ZMYM2: variants seen among roughly 807,000 people sequenced by gnomAD.
ZMYM2 encodes the protein zinc finger MYM-type containing 2.
A neutral mutation model predicts 162.8 loss-of-function variants in ZMYM2; 56 were observed. That is an observed-to-expected ratio of 0.34 (90% CI 0.28 to 0.43). The LOEUF (loss-of-function observed/expected upper bound fraction) is 0.43. Among genes scored for constraint, ZMYM2 ranks in the 20% least tolerant of loss-of-function variants. The pLI, the probability that ZMYM2 is intolerant of heterozygous loss-of-function variation, is 1.00. For synonymous variants in ZMYM2, 510 were observed against 541.6 expected, an observed-to-expected ratio of 0.94 and a Z score of 0.81; for missense variants, 1,275 against 1,621.8, an observed-to-expected ratio of 0.79 and a Z score of 3.67.
intron 14 of ZMYM2, among the ~76,000 whole-genome samples, chr13:20,058,086 T>C (rs1955945350): frequency 6.6e-6 from 1 of 152,200 alleles, no homozygotes; most frequent in African/African-American, 2.4e-5. Flanking sequence ...AATACACAAC[T>C]TAAAGTTTGA....
chr13:19,972,238 C>G (rs1956395823), intron 2 of ZMYM2, among the ~76,000 whole-genome samples: 1 of 152,104 alleles, frequency 6.6e-6, no homozygotes, highest in African/African-American at 2.4e-5. Flanking sequence ...AGCCAGACTA[C>G]CTTTGTTTTA....
chr13:19,930,397 T>A, the ZMYM2 span, among the ~76,000 whole-genome samples: 1 of 151,610 alleles, frequency 6.6e-6, no homozygotes, highest in African/African-American at 2.4e-5. Flanking sequence ...CAAGACTCCA[T>A]CCTCCATCTC....
At chr13:19,893,331 T>C in the ZMYM2 span, among the ~76,000 whole-genome samples, 1 of 151,810 alleles carries the variant, frequency 6.6e-6, no homozygotes, top group Non-Finnish European at 1.5e-5. Context: ...TGTTAGTAAT[T>C]TGAAGACATG....
At chr13:19,884,760 C>A in the ZMYM2 span, among the ~76,000 whole-genome samples, 5 of 152,112 alleles carry the variant, frequency 3.3e-5, no homozygotes, top group Admixed American at 2.6e-4. Flanking sequence ...TACAGCTCTT[C>A]AACATAGTGC....
At chr13:20,074,397 A>G (rs1040566445) in intron 21 of ZMYM2, among the ~76,000 whole-genome samples, 1 of 151,896 alleles carries the variant, frequency 6.6e-6, no homozygotes, top group African/African-American at 2.4e-5. Flanking sequence ...ATACCTGGCT[A>G]ACTAACTTCT....
chr13:20,044,560 C>G (rs1235675562), intron 12 of ZMYM2, among the ~76,000 whole-genome samples: 1 of 152,230 alleles, frequency 6.6e-6, no homozygotes, highest in Admixed American at 6.5e-5. Context: ...AGTCAGCCAT[C>G]TTGCCCCAAC....
chr13:20,071,232 C>A (rs1280769196), intron 21 of ZMYM2, among the ~76,000 whole-genome samples: 1 of 152,118 alleles, frequency 6.6e-6, no homozygotes, highest in Non-Finnish European at 1.5e-5. Flanking sequence ...ACCATCATGC[C>A]CAGCTAATTT....
At chr13:20,004,495 T>C (rs541319844) in intron 4 of ZMYM2, among the ~76,000 whole-genome samples, 6 of 152,294 alleles carry the variant, frequency 3.9e-5, no homozygotes, top group Admixed American at 1.3e-4. Flanking sequence ...GACCTCGTGA[T>C]CCACCCGCCT....
intron 8 of ZMYM2, 114 bp downstream of exon 8, chr13:20,026,876 A>G: frequency 8.8e-7 from 1 of 1,140,538 alleles, no homozygotes; most frequent in Non-Finnish European, 1.2e-6. Context: ...TTTTATATTA[A>G]TCTTTTTGAA....
Position 19,990,123 on chromosome 13 carries a change from C to T in ZMYM2, c.-10-2940C>T, listed in dbSNP as rs150669585. ...GGAAACATGGCAGTGTTTCCTGTTC[C>T]AGTAAAATCCAAACTTTCACCTTTA... On this transcript the variant is annotated intron_variant, in intron 2 of 24. Transcript: ENST00000610343. 2.1e-3 allele frequency among the ~76,000 whole-genome samples: 319 copies of T among 152,250 alleles called. 1 individual carries two copies. The highest frequency in any genetic ancestry group is 3.4e-3 in the Middle Eastern group (1 of 294).
At chr13:19,885,921 A>ATACACACATATATGTGTG in the ZMYM2 span, among the ~76,000 whole-genome samples, 4 of 45,868 alleles carry the variant, frequency 8.7e-5, 1 homozygote, top group South Asian at 2.3e-3. Context: ...ATATACACAT[A>ATACACACATATATGTGTG]TATATGTGTA....
In ZMYM2 at chr13:20,058,691, A is replaced by G; in HGVS notation, c.2610A>G (p.Lys870=). ...ACTGTAAACCTCACATGCAGACCAA[A>G]TCTTGTCAGACAGGTAACTTAGGAC... is the stretch of plus-strand genomic sequence containing the variant. ...ATYCKPHMQT[K]SCQTDDTWRT... The change falls in exon 15 of 25, where the codon AAA becomes AAG. Residue 870 remains lysine, a synonymous_variant. Transcript: ENST00000610343. 1.9e-6 allele frequency: 3 copies of G among 1,613,558 alleles called. No homozygotes were observed. The highest frequency in any genetic ancestry group is 1.7e-6 in the Non-Finnish European group (2 of 1,179,688).
chr13:19,921,001 C>A, the ZMYM2 span, among the ~76,000 whole-genome samples: 1 of 151,840 alleles, frequency 6.6e-6, no homozygotes, highest in Non-Finnish European at 1.5e-5. Context: ...CATCCCTTGA[C>A]CTCATGTTCC....
chr13:20,027,305 TG>T lies in ZMYM2; in HGVS notation c.1840del (p.Ala614LeufsTer6). On this transcript the variant is annotated frameshift_variant, in exon 9 of 25. Coordinates refer to ENST00000610343, the MANE Select transcript of ZMYM2 (RefSeq NM_197968.4). LOFTEE classifies it high-confidence loss of function. ...TACAACTTTTGCAATTCCAGTTGTG[TG>T]GCTAAATTTCAGGTTTGTCGTTTAT... Reference protein sequence around the residue: ...KLYNFCNSSCVAKFQALSMQS... With the variant: ...KLYNFCNSSCXAKFQALSMQS... 1 of 1,567,298 alleles carries T rather than the reference TG, an allele frequency of 6.4e-7. No homozygotes were observed. Among genetic ancestry groups the T allele is most frequent in the Non-Finnish European group, 8.7e-7 (1 of 1,154,078 alleles).
chr13:19,885,893 GTATACACATATATATGTA>G, the ZMYM2 span, among the ~76,000 whole-genome samples: 1 of 60,404 alleles, frequency 1.7e-5, no homozygotes, highest in African/African-American at 7.1e-5. Context: ...ATATATATGT[GTATACACATATATATGTA>G]TATACACATA....
intron 2 of ZMYM2, among the ~76,000 whole-genome samples, chr13:19,960,494 A>AT (rs1955088499): frequency 6.6e-6 from 1 of 152,200 alleles, no homozygotes; most frequent in African/African-American, 2.4e-5. Context: ...GGAAACACAT[A>AT]TTTTGACACT....
At chr13:19,886,268 G>C in the ZMYM2 span, among the ~76,000 whole-genome samples, 1 of 146,184 alleles carries the variant, frequency 6.8e-6, no homozygotes, top group Non-Finnish European at 1.5e-5. Context: ...GGGTTCAAGC[G>C]ATTCTCCTGC....
chr13:20,087,857 T>A lies in ZMYM2; in HGVS notation c.*1843T>A, dbSNP rs550538208. ...AAATATATAATACAAAAATTTTCTCTAACTTACCTTTTTCCAGAACTACTT... is the reference window on the plus strand; with the variant it reads ...AAATATATAATACAAAAATTTTCTCAAACTTACCTTTTTCCAGAACTACTT... On this transcript the variant is annotated 3_prime_UTR_variant, in exon 25 of 25. Coordinates refer to ENST00000610343, the MANE Select transcript of ZMYM2 (RefSeq NM_197968.4). The A allele has an allele frequency of 1.1e-5, 2 of 187,356 alleles. No individual in the cohort carries two copies. The highest frequency in any genetic ancestry group is 4.7e-5 in the African/African-American group (2 of 42,894). 11.6% of individuals were successfully genotyped at this position (187,356 alleles called of 1,614,324 possible). A position where few individuals can be genotyped will look rare whatever the true frequency, so the allele number is the denominator to read the frequency against.
the ZMYM2 span, among the ~76,000 whole-genome samples, chr13:19,936,921 A>G: frequency 6.6e-6 from 1 of 152,062 alleles, no homozygotes; most frequent in Non-Finnish European, 1.5e-5. Context: ...TAGTTTTCAC[A>G]CTATACTAGA....
Sources: allele counts gnomAD v4.1 joint callset (sites outside exome capture counted in the v4.1 genomes callset), GRCh38; gene constraint gnomAD v4.1.1; transcripts MANE v1.5; gene names NCBI Gene and HGNC (gene_info 2026-07-23, HGNC 2026-07-21).